The following WWOX variants were observed in gnomAD, a reference collection of about 807,000 sequenced individuals.
The protein encoded by WWOX is WW domain containing oxidoreductase.
In WWOX, 69 loss-of-function variants were observed where a neutral mutation model predicts 46.2. The ratio of observed to expected loss-of-function variants is 1.49; its 90% CI spans 1.23 to 1.82. The LOEUF (loss-of-function observed/expected upper bound fraction) is 1.82. Ranked by LOEUF, WWOX falls within the 40% of genes most tolerant of loss-of-function variation. The probability of loss-of-function intolerance (pLI) is 0.00; values close to 1 mark genes in which losing one functional copy is unlikely to be tolerated. For synonymous variants in WWOX, 359 were observed against 202.6 expected, an observed-to-expected ratio of 1.77 and a Z score of -6.56; for missense variants, 919 against 542.6, an observed-to-expected ratio of 1.69 and a Z score of -6.89.
At chr16:78,720,559 G>T (rs994260121) in intron 8 of WWOX, among the ~76,000 whole-genome samples, 3 of 150,962 alleles carry the variant, frequency 2.0e-5, no homozygotes, top group Non-Finnish European at 4.4e-5. Context: ...TAATGTGTCT[G>T]TGAGAGACAG....
At chr16:79,148,448 G>A (rs1050676091) in intron 8 of WWOX, among the ~76,000 whole-genome samples, 38 of 152,102 alleles carry the variant, frequency 2.5e-4, no homozygotes, top group Admixed American at 2.1e-3. Flanking sequence ...ACAATTATAC[G>A]CTGTCTTCAT....
intron 8 of WWOX, among the ~76,000 whole-genome samples, chr16:78,996,762 C>A (rs1035410811): frequency 6.6e-6 from 1 of 152,156 alleles, no homozygotes. Flanking sequence ...CCAACTGTTC[C>A]CTTCCCGCTT....
intron 8 of WWOX, among the ~76,000 whole-genome samples, chr16:78,625,260 C>A (rs1017795840): frequency 6.6e-6 from 1 of 152,168 alleles, no homozygotes; most frequent in Non-Finnish European, 1.5e-5. Context: ...CACTCTTTAG[C>A]CTCAGTCCCT....
At chr16:78,782,019 A>C (rs2050339486) in intron 8 of WWOX, among the ~76,000 whole-genome samples, 1 of 152,102 alleles carries the variant, frequency 6.6e-6, no homozygotes, top group Non-Finnish European at 1.5e-5. Context: ...TGCCCTTTTA[A>C]CCTCTACCAG....
rs530917296 is a variant in WWOX at position 78,316,823 on chromosome 16, G to T, written c.517-70037G>T. On this transcript the variant is annotated intron_variant, in intron 5 of 8. Transcript: ENST00000566780. ...GCTAGCTCTAGTATTTTTCAATGCT[G>T]CTTTTTAAGTGATAGATGTATACCA... Among the ~76,000 whole-genome samples the T allele has an allele frequency of 4.4e-4, 67 of 152,290 alleles. 1 individual carries two copies. In the South Asian group the frequency reaches 0.014, roughly 31 times the overall value.
intron 8 of WWOX, among the ~76,000 whole-genome samples, chr16:78,494,212 A>G (rs1597162630): frequency 1.3e-5 from 2 of 152,316 alleles, no homozygotes; most frequent in East Asian, 1.9e-4. Flanking sequence ...ACAAGACAGC[A>G]CTAGGGGGAT....
intron 4 of WWOX, among the ~76,000 whole-genome samples, chr16:78,161,845 A>G (rs556094892): frequency 3.4e-4 from 52 of 152,302 alleles, no homozygotes; most frequent in African/African-American, 1.1e-3. Context: ...TCTAATATAA[A>G]TCAGTATTAT....
chr16:78,798,417 C>T (rs1172788816), intron 8 of WWOX, among the ~76,000 whole-genome samples: 5 of 152,038 alleles, frequency 3.3e-5, no homozygotes, highest in Admixed American at 6.6e-5. Flanking sequence ...AAAACTGGTG[C>T]GATGCGGGAA....
intron 5 of WWOX, among the ~76,000 whole-genome samples, chr16:78,301,937 A>G (rs1406521325): frequency 1.3e-5 from 2 of 151,528 alleles, no homozygotes; most frequent in Middle Eastern, 3.5e-3. Flanking sequence ...TCAAAGTAAC[A>G]TTCTAAAATT....
intron 8 of WWOX, among the ~76,000 whole-genome samples, chr16:79,136,199 A>G (rs1304058813): frequency 6.6e-6 from 1 of 151,696 alleles, no homozygotes; most frequent in South Asian, 2.1e-4. Flanking sequence ...CAGGAAAGCC[A>G]TGAAGGTGCA....
intron 8 of WWOX, among the ~76,000 whole-genome samples, chr16:78,716,742 C>T (rs747346324): frequency 3.3e-5 from 5 of 152,034 alleles, no homozygotes; most frequent in Admixed American, 6.5e-5. Context: ...GAAAAAAAAG[C>T]GTCTCTATTC....
intron 1 of WWOX, among the ~76,000 whole-genome samples, chr16:78,104,587 T>C (rs1018510117): frequency 5.9e-5 from 9 of 152,278 alleles, no homozygotes; most frequent in African/African-American, 2.2e-4. Flanking sequence ...AATCCTTTGG[T>C]TTAAGTTTAG....
At chr16:79,208,319 C>G (rs930744435) in intron 8 of WWOX, among the ~76,000 whole-genome samples, 1 of 152,100 alleles carries the variant, frequency 6.6e-6, no homozygotes, top group South Asian at 2.1e-4. Flanking sequence ...TAGACACCTC[C>G]CCCGTTTCCC....
rs544357937 is a variant in WWOX, at chr16:79,185,411, T to C, written c.1057-26197T>C. ...AAAGAGGTAATACTTGAAAGTGTATTTGACCATATTTTCTAACTGGGAGAC... is the reference window on the plus strand; with the variant it reads ...AAAGAGGTAATACTTGAAAGTGTATCTGACCATATTTTCTAACTGGGAGAC... On this transcript the variant is annotated intron_variant, in intron 8 of 8. Coordinates refer to ENST00000566780, the MANE Select transcript of WWOX (RefSeq NM_016373.4). Among the ~76,000 whole-genome samples, 47 of 152,328 alleles carry C rather than the reference T, an allele frequency of 3.1e-4. No individual in the cohort carries two copies. In the South Asian group the frequency reaches 9.8e-3, roughly 32 times the overall value.
At chr16:78,918,647 A>G (rs62038095) in intron 8 of WWOX, among the ~76,000 whole-genome samples, 22,557 of 152,202 alleles carry the variant, frequency 0.15, 1,995 homozygotes, top group African/African-American at 0.24. Context: ...TGATAATAAC[A>G]GTTAATGTTG....
At chr16:78,737,146 C>G (rs999390401) in intron 8 of WWOX, among the ~76,000 whole-genome samples, 1 of 151,904 alleles carries the variant, frequency 6.6e-6, no homozygotes, top group Non-Finnish European at 1.5e-5. Context: ...GTCACCCAGG[C>G]TGGAGTGCAG....
intron 8 of WWOX, among the ~76,000 whole-genome samples, chr16:78,878,981 C>T (rs924320697): frequency 3.3e-5 from 5 of 149,376 alleles, no homozygotes; most frequent in African/African-American, 7.4e-5. Flanking sequence ...GTGGGAGGAT[C>T]GCTTGAGCCC....
intron 8 of WWOX, among the ~76,000 whole-genome samples, chr16:78,685,617 T>C (rs952560586): frequency 6.6e-6 from 1 of 152,362 alleles, no homozygotes; most frequent in Admixed American, 6.5e-5. Flanking sequence ...ATATTTCACA[T>C]GGCCATATAT....
intron 8 of WWOX, among the ~76,000 whole-genome samples, chr16:78,942,282 A>G (rs1318562008): frequency 6.6e-6 from 1 of 152,184 alleles, no homozygotes; most frequent in Non-Finnish European, 1.5e-5. Flanking sequence ...CTGCCAAGCC[A>G]TCTTGAAGAA....
Sources: allele counts gnomAD v4.1 joint callset (sites outside exome capture counted in the v4.1 genomes callset), GRCh38; gene constraint gnomAD v4.1.1; transcripts MANE v1.5; gene names NCBI Gene and HGNC (gene_info 2026-07-23, HGNC 2026-07-21).